TERT: variants seen among roughly 807,000 people sequenced by gnomAD.
The protein encoded by TERT is telomerase catalytic subunit.
Under a neutral mutation model 104.0 loss-of-function variants are expected in TERT, and 42 were observed. The observed-to-expected ratio is 0.40, with a 90% CI of 0.32 to 0.52. TERT has a LOEUF of 0.52. Among genes scored for constraint, TERT ranks in the 20% least tolerant of loss-of-function variants. The probability of loss-of-function intolerance (pLI) is 0.43; values close to 1 mark genes in which losing one functional copy is unlikely to be tolerated. For synonymous variants in TERT, 781 were observed against 725.6 expected, an observed-to-expected ratio of 1.08 and a Z score of -1.23; for missense variants, 1,101 against 1,610.3, an observed-to-expected ratio of 0.68 and a Z score of 5.41.
chr5:1,268,615 C>T lies in TERT; in HGVS notation c.2487G>A (p.Gln829=). 6.2e-7 allele frequency: 1 copy of T among 1,612,834 alleles called. No homozygotes were observed. The change falls in exon 9 of 16, where the codon CAG becomes CAA. Residue 829 remains glutamine (Q), a synonymous_variant. Transcript: ENST00000310581. The surrounding 1 kb of genome is among the most constrained non-coding windows in gnomAD (Gnocchi z 5.5). ...RIRGKSYVQC[Q]GIPQGSILST... Reference sequence around the variant, plus strand: ...AGAGGATGGAGCCCTGCGGGATCCCCTGGCACTGGACGTAGGACCTGGGGC... The same window carrying T: ...AGAGGATGGAGCCCTGCGGGATCCCTTGGCACTGGACGTAGGACCTGGGGC...
Position 1,266,786 on chromosome 5 carries a change from C to T in TERT, c.2583-251G>A, listed in dbSNP as rs146891130. ...TGTGCAATTCTGTGCCAGCTGAAGA[C>T]GAACGAAGGCCATCAGGCGCGGCCC... is the stretch of plus-strand genomic sequence containing the variant. On this transcript the variant is annotated intron_variant, in intron 9 of 15. Transcript: ENST00000310581. Among the ~76,000 whole-genome samples, 9 of 152,306 alleles carry T rather than the reference C, an allele frequency of 5.9e-5. No individual in the cohort carries two copies. The East Asian group carries it at 1.5e-3, about 26-fold the overall frequency.
At position 1,265,351 on chromosome 5, in the gene TERT, C is replaced by T. The variant is rs919507280; in HGVS notation, c.2655-759G>A. Among the ~76,000 whole-genome samples the T allele has an allele frequency of 1.3e-5, 2 of 152,190 alleles. No homozygotes were observed. Among genetic ancestry groups the T allele is most frequent in the Non-Finnish European group, 2.9e-5 (2 of 68,026 alleles). On this transcript the variant is annotated intron_variant, in intron 10 of 15. Coordinates refer to ENST00000310581, the MANE Select transcript of TERT (RefSeq NM_198253.3). The surrounding 1 kb of genome is among the most constrained non-coding windows in gnomAD (Gnocchi z 6.9). The stretch of plus-strand genomic sequence containing the variant: ...TGGTGCATTCCCAGCTCCCTGTGGC[C>T]ACCCCTTCCTGTTACATGGCTGCCG...
Position 1,294,066 on chromosome 5 carries a change from A to T in TERT, c.820T>A (p.Ser274Thr), listed in dbSNP as rs1751200603. 6.3e-7 allele frequency: 1 copy of T among 1,589,670 alleles called. No homozygotes were observed. The highest frequency in any genetic ancestry group is 8.5e-7 in the Non-Finnish European group (1 of 1,170,616). Residue 274 changes from serine to threonine, a missense_variant, in exon 2 of 16, where the codon TCA (serine) becomes ACA (threonine). By Grantham distance (58) the Ser-to-Thr change is moderately conservative. This residue lies in a region of TERT where 504 missense variants were observed against 544.6 expected (regional missense o/e 0.93). Transcript: ENST00000310581. Reference sequence around the variant, plus strand: ...GCTTCTTCGGCGGGTCTGGCAGGTGACACCACACAGAAACCACGGTCACTC... The same window carrying T: ...GCTTCTTCGGCGGGTCTGGCAGGTGTCACCACACAGAAACCACGGTCACTC... ...GPSDRGFCVVSPARPAEEATS... is the reference protein window; with the variant it reads ...GPSDRGFCVVTPARPAEEATS...
chr5:1,268,492 A>G lies in TERT; in HGVS notation c.2582+28T>C, dbSNP rs1748776136. The G allele has an allele frequency of 1.3e-6, 2 of 1,580,358 alleles. No individual in the cohort carries two copies. The highest frequency in any genetic ancestry group is 1.1e-5 in the South Asian group (1 of 89,696). ...TCAAAAGCAAATCAACCCCCACCCA[A>G]GCCCCCCTGGGGAAGAGGAGGCCTC... On this transcript the variant is annotated intron_variant, in intron 9 of 15. Coordinates refer to ENST00000310581, the MANE Select transcript of TERT (RefSeq NM_198253.3). This position sits in a 1 kb window ranked among gnomAD's most constrained non-coding sequence, Gnocchi z 5.5.
At chr5:1,282,936 T>G (rs1487994756) in intron 2 of TERT, 5 of 453,510 alleles carry the variant, frequency 1.1e-5, no homozygotes, top group Middle Eastern at 1.3e-3. Context: ...ACCCCGGACC[T>G]GCACCATCCA....
chr5:1,278,805 G>A lies in TERT; in HGVS notation c.2131-9C>T. The stretch of plus-strand genomic sequence containing the variant: ...GCGCCCGTCACATCCACCTGTGTGA[G>A]TGGAGGCGAGGAGACTGACAGTGGC... On this transcript the variant is annotated splice_polypyrimidine_tract_variant and intron_variant, in intron 5 of 15. Transcript: ENST00000310581. 1 of 1,613,766 alleles carries A rather than the reference G, an allele frequency of 6.2e-7. No individual in the cohort carries two copies. The highest frequency in any genetic ancestry group is 8.5e-7 in the Non-Finnish European group (1 of 1,180,024).
chr5:1,273,062 C>T (rs1220683578), intron 6 of TERT, among the ~76,000 whole-genome samples: 5 of 108,722 alleles, frequency 4.6e-5, no homozygotes, highest in African/African-American at 1.6e-4. Context: ...ACCCCTGTGA[C>T]CGATCACCAT....
At chr5:1,281,134 G>A (rs749665865) in intron 3 of TERT, among the ~76,000 whole-genome samples, 26 of 152,244 alleles carry the variant, frequency 1.7e-4, no homozygotes, top group Non-Finnish European at 2.1e-4. Context: ...TGCTCCTTCC[G>A]GTCACCCCAA....
rs1296828478 is a variant in TERT at position 1,275,055 on chromosome 5, C to T, written c.2287-2775G>A. On this transcript the variant is annotated intron_variant, in intron 6 of 15. Transcript: ENST00000310581. Reference sequence around the variant, plus strand: ...CAGCACCAAGGCTGCAGGCAGCTATCGCTGCAGATCTCACGGAAGCTGCAG... The same window carrying T: ...CAGCACCAAGGCTGCAGGCAGCTATTGCTGCAGATCTCACGGAAGCTGCAG... Among the ~76,000 whole-genome samples, 5 of 152,280 alleles carry T rather than the reference C, an allele frequency of 3.3e-5. No individual in the cohort carries two copies. In the East Asian group the frequency reaches 5.8e-4, roughly 18 times the overall value.
Position 1,287,906 on chromosome 5 carries a change from C to T in TERT, c.1574-5282G>A, listed in dbSNP as rs1362913949. The stretch of plus-strand genomic sequence containing the variant: ...AATGGACAGTTCTGGAAACCATGCA[C>T]ACACTAGATCACAAAGCAAGGCTCC... On this transcript the variant is annotated intron_variant, in intron 2 of 15. Transcript: ENST00000310581. This position sits in a 1 kb window ranked among gnomAD's most constrained non-coding sequence, Gnocchi z 4.3. Among the ~76,000 whole-genome samples the T allele has an allele frequency of 6.6e-6, 1 of 151,732 alleles. No individual in the cohort carries two copies. Among genetic ancestry groups the T allele is most frequent in the East Asian group, 1.9e-4 (1 of 5,198 alleles).
At chr5:1,280,086 C>T in intron 4 of TERT, 72 bp downstream of exon 4, 1 of 1,597,906 alleles carries the variant, frequency 6.3e-7, no homozygotes, top group Non-Finnish European at 8.6e-7. Context: ...GGCCCTTCAT[C>T]TAAGCTGATA....
At chr5:1,278,898 T>C (rs1749806090) in intron 5 of TERT, 102 bp from the exon 6 acceptor site, 2 of 1,507,732 alleles carry the variant, frequency 1.3e-6, no homozygotes. Flanking sequence ...ACTCTCTCTC[T>C]GACCCCCACC....
intron 2 of TERT, among the ~76,000 whole-genome samples, chr5:1,291,862 C>T (rs1276702622): frequency 2.6e-5 from 4 of 152,226 alleles, no homozygotes; most frequent in African/African-American, 7.2e-5. Flanking sequence ...GATCAGAGAA[C>T]TCAAACTCTC....
At position 1,274,376 on chromosome 5, in the gene TERT, A is replaced by G. The variant is rs935999120; in HGVS notation, c.2287-2096T>C. On this transcript the variant is annotated intron_variant, in intron 6 of 15. Transcript: ENST00000310581. This position sits in a 1 kb window ranked among gnomAD's most constrained non-coding sequence, Gnocchi z 5.3. ...TAATTATTCTGGACTCAACACAGAAAAGCCAATATATCAACACTGACGAGA... is the reference window on the plus strand; with the variant it reads ...TAATTATTCTGGACTCAACACAGAAGAGCCAATATATCAACACTGACGAGA... Among the ~76,000 whole-genome samples, 1 of 152,208 alleles carries G rather than the reference A, an allele frequency of 6.6e-6. No homozygotes were observed. Among genetic ancestry groups the G allele is most frequent in the African/African-American group, 2.4e-5 (1 of 41,452 alleles).
At chr5:1,291,979 C>T (rs1470085510) in intron 2 of TERT, among the ~76,000 whole-genome samples, 1 of 152,186 alleles carries the variant, frequency 6.6e-6, no homozygotes, top group Non-Finnish European at 1.5e-5. Context: ...AGCTGCCGTT[C>T]GATGGGTAGG....
chr5:1,271,785 C>T (rs868478548), intron 7 of TERT, among the ~76,000 whole-genome samples: 6 of 152,036 alleles, frequency 3.9e-5, no homozygotes, highest in Non-Finnish European at 8.8e-5. Context: ...AAGGGGGACA[C>T]GTTTCCTTTG....
rs7447741 is a variant in TERT, at chr5:1,270,431, C to G, written c.2468+688G>C. Among the ~76,000 whole-genome samples the G allele has an allele frequency of 6.6e-6, 1 of 152,162 alleles. No individual in the cohort carries two copies. The highest frequency in any genetic ancestry group is 6.5e-5 in the Admixed American group (1 of 15,282). On this transcript the variant is annotated intron_variant, in intron 8 of 15. Coordinates refer to ENST00000310581, the MANE Select transcript of TERT (RefSeq NM_198253.3). The surrounding 1 kb of genome is among the most constrained non-coding windows in gnomAD (Gnocchi z 8.3). ...CACTCTCCCCAGGCACACACAGGGTCGCAGGCAGATGCCTGCCGGGAGGTG... is the reference window on the plus strand; with the variant it reads ...CACTCTCCCCAGGCACACACAGGGTGGCAGGCAGATGCCTGCCGGGAGGTG...
rs1240083228 is a variant in TERT, at chr5:1,286,805, G to A, written c.1574-4181C>T. The stretch of plus-strand genomic sequence containing the variant: ...AGGAATGAGAACTGCTTGAACCGAG[G>A]AGGCAGAGGTTGCAGTGAGCCGAGA... On this transcript the variant is annotated intron_variant, in intron 2 of 15. Transcript: ENST00000310581. This position sits in a 1 kb window ranked among gnomAD's most constrained non-coding sequence, Gnocchi z 5.3. Among the ~76,000 whole-genome samples, 1 of 152,156 alleles carries A rather than the reference G, an allele frequency of 6.6e-6. No individual in the cohort carries two copies. The highest frequency in any genetic ancestry group is 1.5e-5 in the Non-Finnish European group (1 of 68,034).
intron 6 of TERT, among the ~76,000 whole-genome samples, chr5:1,275,598 T>G (rs950877907): frequency 1.3e-5 from 2 of 151,942 alleles, no homozygotes; most frequent in Admixed American, 6.6e-5. Flanking sequence ...CCTGACTTAC[T>G]ATAAACCCGA....
Sources: allele counts gnomAD v4.1 joint callset (sites outside exome capture counted in the v4.1 genomes callset), GRCh38; gene constraint gnomAD v4.1.1; regional missense constraint gnomAD v4.1.1; non-coding constraint Gnocchi (gnomAD v3.1); transcripts MANE v1.5; gene names NCBI Gene and HGNC (gene_info 2026-07-23, HGNC 2026-07-21).